The following GRM1 variants were observed in gnomAD, a reference collection of about 807,000 sequenced individuals.
The protein encoded by GRM1 is metabotropic glutamate receptor 1.
A neutral mutation model predicts 90.9 loss-of-function variants in GRM1; 33 were observed. That is an observed-to-expected ratio of 0.36 (90% confidence interval 0.28 to 0.49). The LOEUF is 0.49. Among genes scored for constraint, GRM1 ranks in the 20% least tolerant of loss-of-function variants. The pLI, the probability that GRM1 is intolerant of heterozygous loss-of-function variation, is 0.99. For missense variants in GRM1, 1,190 were observed against 1,534.3 expected, an observed-to-expected ratio of 0.78 and a Z score of 3.75; for synonymous variants, 700 against 613.2, an observed-to-expected ratio of 1.14 and a Z score of -2.09.
At chr6:146,161,908 G>A (rs999834193) in intron 2 of GRM1, among the ~76,000 whole-genome samples, 3 of 152,128 alleles carry the variant, frequency 2.0e-5, no homozygotes, top group Non-Finnish European at 4.4e-5. Flanking sequence ...GTAGTGAGAC[G>A]ATGCCATCCT....
chr6:146,329,899 T>A (rs913926831), intron 3 of GRM1, among the ~76,000 whole-genome samples: 4 of 152,214 alleles, frequency 2.6e-5, no homozygotes, highest in African/African-American at 9.6e-5. Flanking sequence ...TGGTTATGTG[T>A]ACTCGAAGTC....
chr6:146,069,096 T>C (rs1041532964), intron 1 of GRM1, among the ~76,000 whole-genome samples: 1 of 152,214 alleles, frequency 6.6e-6, no homozygotes. Flanking sequence ...AAATCACATT[T>C]TGACTTTTGA....
intron 2 of GRM1, among the ~76,000 whole-genome samples, chr6:146,167,757 G>A (rs574449695): frequency 1.1e-4 from 16 of 152,072 alleles, no homozygotes; most frequent in East Asian, 9.7e-4. Flanking sequence ...TTATGGAGTC[G>A]TAAAAGTTAT....
intron 2 of GRM1, among the ~76,000 whole-genome samples, chr6:146,236,097 G>T (rs1054501402): frequency 5.3e-5 from 8 of 152,110 alleles, no homozygotes; most frequent in Non-Finnish European, 1.2e-4. Context: ...GAGTTGGACA[G>T]AATATAGGCT....
At chr6:146,159,631 TC>T (rs1722907778) in intron 2 of GRM1, 34 bp downstream of exon 2, 4 of 1,473,740 alleles carry the variant, frequency 2.7e-6, no homozygotes, top group Admixed American at 1.8e-5. Context: ...TCTCTCTCTC[TC>T]TCTCTCTCTC....
intron 2 of GRM1, among the ~76,000 whole-genome samples, chr6:146,232,048 G>A (rs1022834653): frequency 2.0e-5 from 3 of 152,050 alleles, no homozygotes; most frequent in Non-Finnish European, 2.9e-5. Context: ...TGGTCCTAAA[G>A]TTTTCTTTCT....
intron 1 of GRM1, among the ~76,000 whole-genome samples, chr6:146,075,269 TAAAA>T (rs549509676): frequency 6.6e-6 from 1 of 152,184 alleles, no homozygotes; most frequent in African/African-American, 2.4e-5. Context: ...TCTAAAATAA[TAAAA>T]AGCACAACTG....
intron 2 of GRM1, among the ~76,000 whole-genome samples, chr6:146,268,229 T>C (rs1368668257): frequency 6.6e-6 from 1 of 152,242 alleles, no homozygotes; most frequent in Admixed American, 6.5e-5. Flanking sequence ...TTAAAATGAC[T>C]GAACATATAA....
At chr6:146,397,594 A>G (rs954488829) in intron 6 of GRM1, among the ~76,000 whole-genome samples, 2 of 151,312 alleles carry the variant, frequency 1.3e-5, no homozygotes, top group Non-Finnish European at 2.9e-5. Flanking sequence ...TATTCATTTT[A>G]TATGGAGTTT....
intron 3 of GRM1, among the ~76,000 whole-genome samples, chr6:146,340,110 A>G (rs1289008697): frequency 5.9e-5 from 9 of 152,190 alleles, no homozygotes; most frequent in Non-Finnish European, 1.3e-4. Context: ...GTGAGCTTTC[A>G]GGGGGCACTA....
At chr6:146,340,530 GC>G (rs1784934785) in intron 3 of GRM1, 1 of 151,888 alleles carries the variant, frequency 6.6e-6, no homozygotes, top group African/African-American at 2.4e-5. Context: ...TGGGACCAAA[GC>G]CATATTTCTT....
At chr6:146,188,964 G>A (rs957492876) in intron 2 of GRM1, among the ~76,000 whole-genome samples, 4 of 152,146 alleles carry the variant, frequency 2.6e-5, no homozygotes, top group Admixed American at 2.0e-4. Context: ...TCTATGCTAA[G>A]CTACTGTGCT....
chr6:146,148,705 A>G (rs1331774784), intron 1 of GRM1, among the ~76,000 whole-genome samples: 1 of 152,198 alleles, frequency 6.6e-6, no homozygotes, highest in African/African-American at 2.4e-5. Flanking sequence ...TAATATTACA[A>G]ATTTTTTACC....
chr6:146,088,779 C>A (rs1776626101), intron 1 of GRM1, among the ~76,000 whole-genome samples: 1 of 152,124 alleles, frequency 6.6e-6, no homozygotes, highest in Non-Finnish European at 1.5e-5. Context: ...GTGCCTCTGG[C>A]TATAAAAGAG....
intron 3 of GRM1, among the ~76,000 whole-genome samples, chr6:146,332,059 G>A (rs908058231): frequency 1.3e-5 from 2 of 152,116 alleles, no homozygotes; most frequent in South Asian, 2.1e-4. Context: ...GACCATTACA[G>A]TATTGATCAT....
chr6:146,341,117 T>C (rs985501528), intron 3 of GRM1, among the ~76,000 whole-genome samples: 1 of 152,186 alleles, frequency 6.6e-6, no homozygotes, highest in Non-Finnish European at 1.5e-5. Flanking sequence ...TTGGTGTAAA[T>C]CTAGTACCTC....
intron 4 of GRM1, among the ~76,000 whole-genome samples, chr6:146,354,887 T>C (rs937721613): frequency 6.6e-6 from 1 of 152,176 alleles, no homozygotes. Flanking sequence ...GTCAGTATTT[T>C]TCCCTGGATA....
chr6:146,059,250 A>G (rs368232980), intron 1 of GRM1, among the ~76,000 whole-genome samples: 23 of 152,180 alleles, frequency 1.5e-4, no homozygotes, highest in African/African-American at 5.5e-4. Context: ...GGGCTGCAGA[A>G]CAGATGTTGT....
intron 2 of GRM1, among the ~76,000 whole-genome samples, chr6:146,175,334 C>T (rs978222395): frequency 6.6e-6 from 1 of 152,132 alleles, no homozygotes; most frequent in South Asian, 2.1e-4. Flanking sequence ...TTCAATGACA[C>T]CATTGGAGGA....
Sources: allele counts gnomAD v4.1 joint callset (sites outside exome capture counted in the v4.1 genomes callset), GRCh38; gene constraint gnomAD v4.1.1; transcripts MANE v1.5; gene names NCBI Gene and HGNC (gene_info 2026-07-23, HGNC 2026-07-21).